The following FGF10 variants were observed in gnomAD, a reference collection of about 807,000 sequenced individuals.
FGF10 encodes the protein FGF-10.
Under a neutral mutation model 19.8 loss-of-function variants are expected in FGF10, and 2 were observed. The observed-to-expected ratio is 0.10, with a 90% CI of 0.04 to 0.32. The LOEUF is 0.32. Ranked by LOEUF, FGF10 falls within the 10% of genes least tolerant of loss-of-function variation. The pLI is 1.00. For synonymous variants in FGF10, 112 were observed against 94.0 expected (o/e 1.19, Z -1.10); for missense variants, 191 against 246.3 (o/e 0.78, Z 1.50).
chr5:44,358,708 G>T (rs72764708), intron 1 of FGF10, among the ~76,000 whole-genome samples: 10,030 of 151,504 alleles, frequency 0.066, 464 homozygotes, highest in Middle Eastern at 0.11. Context: ...CTAACAGCTA[G>T]CTCACCCCAG....
Position 44,304,819 on chromosome 5 carries a change from A to C in FGF10, c.*176T>G. The C allele has an allele frequency of 1.6e-6, 1 of 639,798 alleles. No individual in the cohort carries two copies. Among genetic ancestry groups the C allele is most frequent in the South Asian group, 1.8e-5 (1 of 54,442 alleles). 39.6% of individuals were successfully genotyped at this position (639,798 alleles called of 1,614,324 possible). A position where few individuals can be genotyped will look rare whatever the true frequency, so the allele number is the denominator to read the frequency against. On this transcript the variant is annotated 3_prime_UTR_variant, in exon 3 of 3. Transcript: ENST00000264664. ...ATAAGACATGACACAGAACTAATTA[A>C]AAGAACATCATATGTCAGCAGTGAA...
chr5:44,338,205 C>T (rs562319174), intron 1 of FGF10, among the ~76,000 whole-genome samples: 16 of 152,156 alleles, frequency 1.1e-4, no homozygotes, highest in African/African-American at 3.6e-4. Context: ...TCTTAAATAA[C>T]ACATATAGTT....
intron 1 of FGF10, among the ~76,000 whole-genome samples, chr5:44,377,200 T>C (rs1237787908): frequency 6.6e-6 from 1 of 152,244 alleles, no homozygotes; most frequent in Non-Finnish European, 1.5e-5. Flanking sequence ...GACCTCCTGA[T>C]GTCATGCATC....
intron 1 of FGF10, among the ~76,000 whole-genome samples, chr5:44,349,503 T>TCA (rs1401684515): frequency 7.7e-6 from 1 of 129,668 alleles, no homozygotes; most frequent in African/African-American, 2.8e-5. Context: ...TATATATATA[T>TCA]GTGTGTGTGT....
intron 1 of FGF10, among the ~76,000 whole-genome samples, chr5:44,316,740 G>T (rs1043756963): frequency 4.6e-5 from 7 of 152,136 alleles, no homozygotes; most frequent in African/African-American, 1.7e-4. Flanking sequence ...TTTTTGAACA[G>T]GTATGGGATT....
At chr5:44,355,836 A>C (rs1437442159) in intron 1 of FGF10, among the ~76,000 whole-genome samples, 1 of 151,352 alleles carries the variant, frequency 6.6e-6, no homozygotes, top group African/African-American at 2.4e-5. Flanking sequence ...AATTCAGATA[A>C]ATTATCCTAA....
At chr5:44,361,911 A>T (rs1246240100) in intron 1 of FGF10, among the ~76,000 whole-genome samples, 1 of 151,492 alleles carries the variant, frequency 6.6e-6, no homozygotes, top group African/African-American at 2.4e-5. Flanking sequence ...ACACAAAGTC[A>T]CCTCCTATCA....
intron 1 of FGF10, among the ~76,000 whole-genome samples, chr5:44,382,658 T>C (rs1469369595): frequency 6.6e-6 from 1 of 152,154 alleles, no homozygotes; most frequent in East Asian, 1.9e-4. Flanking sequence ...ATGTAAATTA[T>C]CTTAGATCAT....
chr5:44,347,732 AG>A (rs1276806009), intron 1 of FGF10, among the ~76,000 whole-genome samples: 1 of 151,726 alleles, frequency 6.6e-6, no homozygotes, highest in Non-Finnish European at 1.5e-5. Context: ...GCACAAAATA[AG>A]TGCTCAATCA....
At chr5:44,339,857 A>G (rs945894339) in intron 1 of FGF10, among the ~76,000 whole-genome samples, 2 of 152,110 alleles carry the variant, frequency 1.3e-5, no homozygotes, top group Admixed American at 6.6e-5. Context: ...ATCAATGTCC[A>G]TCTCTTGCAT....
intron 1 of FGF10, among the ~76,000 whole-genome samples, chr5:44,345,605 G>T (rs1311234008): frequency 1.6e-4 from 21 of 128,432 alleles, no homozygotes; most frequent in Admixed American, 1.7e-4. Flanking sequence ...TTTCCCCATT[G>T]TTTCACTGTT....
rs1267423735 is a variant in FGF10, at chr5:44,301,217, T to TA, written c.*3777dup. ...GGTATCTGTTTGCATGTATATGTCC[T>TA]ACTTCTAATGTACTAGACATCTTCT... On this transcript the variant is annotated 3_prime_UTR_variant, in exon 3 of 3. Coordinates refer to ENST00000264664, the MANE Select transcript of FGF10 (RefSeq NM_004465.2). 6.6e-6 allele frequency among the ~76,000 whole-genome samples: 1 copy of TA among 152,134 alleles called. No homozygotes were observed. Among genetic ancestry groups the TA allele is most frequent in the Non-Finnish European group, 1.5e-5 (1 of 68,018 alleles).
intron 1 of FGF10, among the ~76,000 whole-genome samples, chr5:44,329,169 G>A (rs756749874): frequency 4.6e-5 from 7 of 152,118 alleles, no homozygotes; most frequent in Non-Finnish European, 8.8e-5. Flanking sequence ...ACCAAGTACA[G>A]TCTTTTGTTT....
At chr5:44,336,621 C>G (rs1243918500) in intron 1 of FGF10, among the ~76,000 whole-genome samples, 1 of 152,132 alleles carries the variant, frequency 6.6e-6, no homozygotes, top group African/African-American at 2.4e-5. Flanking sequence ...CTTTGGAAAG[C>G]TGGAGTTCAA....
intron 1 of FGF10, among the ~76,000 whole-genome samples, chr5:44,345,616 C>T (rs1237951496): frequency 2.2e-5 from 3 of 135,248 alleles, no homozygotes; most frequent in African/African-American, 8.5e-5. Flanking sequence ...TTTCACTGTT[C>T]ATTCCCTTTC....
chr5:44,376,518 C>CAAAAAAAAAAA lies in FGF10; in HGVS notation c.325+11839_325+11840insTTTTTTTTTTT, dbSNP rs1265124775. Among the ~76,000 whole-genome samples, 3 of 72,694 alleles carry CAAAAAAAAAAA rather than the reference C, an allele frequency of 4.1e-5. 1 individual carries two copies. The highest frequency in any genetic ancestry group is 9.6e-5 in the African/African-American group (2 of 20,842). The allele number at this position is 72,694 out of a possible 152,430, so 47.7% of individuals were successfully genotyped here. The stretch of plus-strand genomic sequence containing the variant: ...AAAAAAAAAAAAAAAAAAAAAAAAA[C>CAAAAAAAAAAA]AAAAAACCCACAACTAGAGCAAGAA... On this transcript the variant is annotated intron_variant, in intron 1 of 2. Coordinates refer to ENST00000264664, the MANE Select transcript of FGF10 (RefSeq NM_004465.2).
In FGF10 at chr5:44,363,102, T is replaced by C. The variant is rs189093297; in HGVS notation, c.325+25256A>G. Among the ~76,000 whole-genome samples the C allele has an allele frequency of 2.6e-5, 4 of 151,952 alleles. No homozygotes were observed. In the East Asian group the frequency reaches 7.8e-4, roughly 30 times the overall value. ...ACAATATCAATTTTCCTGGAGTTAG[T>C]TTTTGTGAAAAACAACAGATGAATA... On this transcript the variant is annotated intron_variant, in intron 1 of 2. Coordinates refer to ENST00000264664, the MANE Select transcript of FGF10 (RefSeq NM_004465.2).
chr5:44,360,013 C>A (rs559844590), intron 1 of FGF10, among the ~76,000 whole-genome samples: 36 of 151,528 alleles, frequency 2.4e-4, no homozygotes, highest in African/African-American at 8.4e-4. Context: ...CTTTTAAGAA[C>A]CCTAAGAGTT....
chr5:44,379,555 C>G (rs1350287311), intron 1 of FGF10, among the ~76,000 whole-genome samples: 1 of 152,190 alleles, frequency 6.6e-6, no homozygotes, highest in Non-Finnish European at 1.5e-5. Flanking sequence ...AAAGCCCATA[C>G]TTTTAATCAC....
Sources: allele counts gnomAD v4.1 joint callset (sites outside exome capture counted in the v4.1 genomes callset), GRCh38; gene constraint gnomAD v4.1.1; transcripts MANE v1.5; gene names NCBI Gene and HGNC (gene_info 2026-07-23, HGNC 2026-07-21).